Variants in CSGALNACT1 observed in about 807,000 individuals in gnomAD.
CSGALNACT1 encodes beta4GalNAcT-1.
A neutral mutation model predicts 51.0 loss-of-function variants in CSGALNACT1; 52 were observed. The observed-to-expected ratio is 1.02, with a 90% CI of 0.82 to 1.29. The LOEUF (loss-of-function observed/expected upper bound fraction) is 1.29. Among genes scored for constraint, CSGALNACT1 ranks in the 50% most tolerant of loss-of-function variants. The pLI, the probability that CSGALNACT1 is intolerant of heterozygous loss-of-function variation, is 0.00. For missense variants in CSGALNACT1, 935 were observed against 679.2 expected (o/e 1.38, Z -4.19); for synonymous variants, 341 against 254.4 (o/e 1.34, Z -3.24).
At chr8:19,562,987 T>C (rs1303927616) in intron 3 of CSGALNACT1, among the ~76,000 whole-genome samples, 1 of 152,206 alleles carries the variant, frequency 6.6e-6, no homozygotes, top group African/African-American at 2.4e-5. Context: ...TGTATGTTCA[T>C]TACAGTACTA....
chr8:19,680,409 A>T (rs34674826), intron 1 of CSGALNACT1, among the ~76,000 whole-genome samples: 17 of 151,912 alleles, frequency 1.1e-4, no homozygotes, highest in Middle Eastern at 6.8e-3. Flanking sequence ...TATAAAAATC[A>T]GCCGGGTGTG....
At chr8:19,524,582 AT>A (rs887761357) in intron 3 of CSGALNACT1, among the ~76,000 whole-genome samples, 2 of 151,214 alleles carry the variant, frequency 1.3e-5, no homozygotes, top group African/African-American at 2.4e-5. Flanking sequence ...AAGAGTTGGG[AT>A]TTTTTTTTCT....
At chr8:19,474,015 C>A (rs565747042) in intron 4 of CSGALNACT1, among the ~76,000 whole-genome samples, 3 of 152,176 alleles carry the variant, frequency 2.0e-5, no homozygotes, top group Admixed American at 6.5e-5. Context: ...CTTTTGGAAA[C>A]CATTCATTTA....
intron 1 of CSGALNACT1, among the ~76,000 whole-genome samples, chr8:19,681,280 A>G (rs2060597024): frequency 6.6e-6 from 1 of 152,216 alleles, no homozygotes; most frequent in South Asian, 2.1e-4. Context: ...TGGAAACAGT[A>G]GAAAGGCAGG....
At chr8:19,502,772 ACCTTTCCATTC>A (rs2076636048) in intron 4 of CSGALNACT1, among the ~76,000 whole-genome samples, 1 of 152,184 alleles carries the variant, frequency 6.6e-6, no homozygotes, top group Admixed American at 6.5e-5. Flanking sequence ...CTCAAACCAG[ACCTTTCCATTC>A]CCTTCTTTCT....
chr8:19,550,537 C>T (rs1056903670), intron 3 of CSGALNACT1, among the ~76,000 whole-genome samples: 1 of 152,124 alleles, frequency 6.6e-6, no homozygotes, highest in Non-Finnish European at 1.5e-5. Context: ...TTCTTCCCCG[C>T]TTTTCCCCTT....
At chr8:19,599,372 C>G (rs988348222) in intron 2 of CSGALNACT1, among the ~76,000 whole-genome samples, 1 of 150,064 alleles carries the variant, frequency 6.7e-6, no homozygotes, top group African/African-American at 2.5e-5. Flanking sequence ...TGGCTCACAC[C>G]TGTAATCCCA....
chr8:19,561,821 G>C (rs2154097895), intron 3 of CSGALNACT1, among the ~76,000 whole-genome samples: 1 of 152,304 alleles, frequency 6.6e-6, no homozygotes, highest in East Asian at 1.9e-4. Flanking sequence ...AGTGATTACA[G>C]GGAGAAGAGG....
intron 4 of CSGALNACT1, among the ~76,000 whole-genome samples, chr8:19,481,377 T>G (rs2071355433): frequency 1.3e-5 from 2 of 152,178 alleles, no homozygotes; most frequent in Admixed American, 6.5e-5. Context: ...AAATTACATC[T>G]TATTCAAAAA....
rs1042036895 is a variant in CSGALNACT1, at chr8:19,516,505, C to G, written c.-296-10375G>C. Among the ~76,000 whole-genome samples, 3 of 152,156 alleles carry G rather than the reference C, an allele frequency of 2.0e-5. No homozygotes were observed. The East Asian group carries it at 5.8e-4, about 29-fold the overall frequency. ...GGCCCCTCAAACGTGGCATGAATCA[C>G]TGCTTCTCTAGTTAAAATGTTTTGT... On this transcript the variant is annotated intron_variant, in intron 3 of 9. Coordinates refer to ENST00000454498, the Ensembl canonical transcript of CSGALNACT1.
intron 5 of CSGALNACT1, among the ~76,000 whole-genome samples, chr8:19,443,658 T>C (rs55807448): frequency 0.17 from 25,262 of 152,158 alleles, 2,242 homozygotes; most frequent in Middle Eastern, 0.26. Context: ...GCACTCGTGA[T>C]TCAATGATCT....
chr8:19,529,061 AAAG>A (rs1394265879), intron 3 of CSGALNACT1, among the ~76,000 whole-genome samples: 1 of 152,180 alleles, frequency 6.6e-6, no homozygotes, highest in African/African-American at 2.4e-5. Flanking sequence ...ATACCTTTAA[AAAG>A]AAGGATTCAG....
intron 4 of CSGALNACT1, among the ~76,000 whole-genome samples, chr8:19,502,282 G>C (rs1283104570): frequency 6.6e-6 from 1 of 152,204 alleles, no homozygotes; most frequent in Non-Finnish European, 1.5e-5. Context: ...GCAGACAAGA[G>C]AGACCAGAAG....
chr8:19,730,201 C>A (rs1030172376), intron 1 of CSGALNACT1, among the ~76,000 whole-genome samples: 1 of 152,018 alleles, frequency 6.6e-6, no homozygotes, highest in Non-Finnish European at 1.5e-5. Flanking sequence ...AAAGCCATCA[C>A]ACTCCCTTCT....
intron 1 of CSGALNACT1, among the ~76,000 whole-genome samples, chr8:19,647,263 T>C (rs1490354508): frequency 6.6e-6 from 1 of 152,072 alleles, no homozygotes; most frequent in Non-Finnish European, 1.5e-5. Context: ...TAAAAATGGC[T>C]ACACGAGGCT....
intron 1 of CSGALNACT1, among the ~76,000 whole-genome samples, chr8:19,720,351 C>A (rs773173367): frequency 2.0e-5 from 3 of 152,098 alleles, no homozygotes; most frequent in Admixed American, 6.6e-5. Context: ...ATAAGAAACT[C>A]GGAGGAATAA....
chr8:19,652,649 C>G (rs1485008230), intron 1 of CSGALNACT1, among the ~76,000 whole-genome samples: 1 of 152,178 alleles, frequency 6.6e-6, no homozygotes, highest in Non-Finnish European at 1.5e-5. Context: ...CTATCCACTG[C>G]TCCTCTATTT....
At chr8:19,572,009 T>A (rs1409835059) in intron 3 of CSGALNACT1, among the ~76,000 whole-genome samples, 1 of 152,224 alleles carries the variant, frequency 6.6e-6, no homozygotes, top group Non-Finnish European at 1.5e-5. Context: ...TCAATGGAAC[T>A]TGCCAATCAT....
chr8:19,461,744 G>A (rs777812883), intron 4 of CSGALNACT1, among the ~76,000 whole-genome samples: 350 of 33,940 alleles, frequency 0.01, 5 homozygotes, highest in East Asian at 0.034. Flanking sequence ...TCCGCACAGC[G>A]GCCACATTCA....
Sources: allele counts gnomAD v4.1 joint callset (sites outside exome capture counted in the v4.1 genomes callset), GRCh38; gene constraint gnomAD v4.1.1; transcripts MANE v1.5; gene names NCBI Gene and HGNC (gene_info 2026-07-23, HGNC 2026-07-21).